HTR2C: variants seen among roughly 807,000 people sequenced by gnomAD.
HTR2C encodes 5-hydroxytryptamine (serotonin) receptor 2C, G protein-coupled.
A neutral mutation model predicts 21.0 loss-of-function variants in HTR2C; 5 were observed. The ratio of observed to expected loss-of-function variants is 0.24; its 90% CI spans 0.12 to 0.50. The LOEUF is 0.50. HTR2C is among the 20% of genes least tolerant of loss of function. The pLI is 0.98. For missense variants in HTR2C, 271 were observed against 371.2 expected, an observed-to-expected ratio of 0.73 and a Z score of 2.22; for synonymous variants, 150 against 145.3, an observed-to-expected ratio of 1.03 and a Z score of -0.23.
chrX:114,681,122 C>T (rs1214625230), intron 2 of HTR2C, among the ~76,000 whole-genome samples: 3 of 111,338 alleles, frequency 2.7e-5, no homozygotes, highest in Non-Finnish European at 5.7e-5. Context: ...ATGCTTCATC[C>T]GGAATCTTAT....
intron 1 of HTR2C, among the ~76,000 whole-genome samples, chrX:114,600,334 G>T (rs1928033035): frequency 8.9e-6 from 1 of 112,011 alleles, no homozygotes; most frequent in South Asian, 3.7e-4. Flanking sequence ...CATGCTCTCA[G>T]TATAACATTT....
At position 114,876,338 on chromosome X, in the gene HTR2C, T is replaced by A. The variant is rs192078328; in HGVS notation, c.550+28135T>A. ...AGGGTTTTACTTATATAAAATCATG[T>A]CATCTGCAAACAAAAACAATTTTAC... On this transcript the variant is annotated intron_variant, in intron 5 of 5. Coordinates refer to ENST00000276198, the MANE Select transcript of HTR2C (RefSeq NM_000868.4). 3.8e-3 allele frequency among the ~76,000 whole-genome samples: 416 copies of A among 109,659 alleles called. 1 individual carries two copies. The highest frequency in any genetic ancestry group is 0.013 in the African/African-American group (380 of 30,376).
chrX:114,730,264 C>T (rs1163966728), intron 3 of HTR2C, among the ~76,000 whole-genome samples: 4 of 112,003 alleles, frequency 3.6e-5, no homozygotes, highest in African/African-American at 1.3e-4. Flanking sequence ...CCACATCCAT[C>T]TCTGGCAATA....
intron 4 of HTR2C, among the ~76,000 whole-genome samples, chrX:114,767,550 AG>A (rs1316158220): frequency 9.1e-6 from 1 of 109,624 alleles, no homozygotes; most frequent in Non-Finnish European, 1.9e-5. Context: ...ATTGATAGGG[AG>A]GAAAAAGTTT....
rs1485965623 is a variant in HTR2C at position 114,907,526 on chromosome X, T to C, written c.*111T>C. 5.4e-6 allele frequency: 3 copies of C among 555,420 alleles called. No individual in the cohort carries two copies. The highest frequency in any genetic ancestry group is 2.3e-5 in the African/African-American group (1 of 43,102). 45.8% of individuals were successfully genotyped at this position (555,420 alleles called of 1,213,427 possible). On this transcript the variant is annotated 3_prime_UTR_variant, in exon 6 of 6. Transcript: ENST00000276198. ...ATGTAAATATTGCTGTCTGAAAAAGTGTTTTTACATATAGCTTTGCAACCT... is the reference window on the plus strand; with the variant it reads ...ATGTAAATATTGCTGTCTGAAAAAGCGTTTTTACATATAGCTTTGCAACCT...
chrX:114,733,891 G>A (rs1258175327), intron 4 of HTR2C, among the ~76,000 whole-genome samples: 1 of 111,014 alleles, frequency 9.0e-6, no homozygotes, highest in Non-Finnish European at 1.9e-5. Context: ...ATCAGAATAT[G>A]AGAATAGAAA....
intron 2 of HTR2C, among the ~76,000 whole-genome samples, chrX:114,618,961 T>C (rs905851135): frequency 1.8e-5 from 2 of 111,511 alleles, no homozygotes; most frequent in Admixed American, 9.6e-5. Flanking sequence ...TATTAAAATA[T>C]GAAAACCAAA....
At chrX:114,693,307 T>C (rs1932164890) in intron 2 of HTR2C, among the ~76,000 whole-genome samples, 1 of 111,193 alleles carries the variant, frequency 9.0e-6, no homozygotes, top group Non-Finnish European at 1.9e-5. Context: ...TATTACTCCA[T>C]ATCAAGGATT....
chrX:114,802,375 T>G (rs1297206717), intron 4 of HTR2C, among the ~76,000 whole-genome samples: 2 of 111,670 alleles, frequency 1.8e-5, no homozygotes, highest in Non-Finnish European at 3.8e-5. Context: ...AAATCATAGA[T>G]GAGAGCAGGA....
At chrX:114,872,103 T>C (rs782129176) in intron 5 of HTR2C, among the ~76,000 whole-genome samples, 1 of 110,668 alleles carries the variant, frequency 9.0e-6, no homozygotes, top group Admixed American at 9.7e-5. Flanking sequence ...GTACAGATTA[T>C]TTCATTACCC....
At chrX:114,766,394 A>C (rs73569263) in intron 4 of HTR2C, among the ~76,000 whole-genome samples, 2,116 of 111,206 alleles carry the variant, frequency 0.019, 53 homozygotes, top group African/African-American at 0.065. Flanking sequence ...TAGATGAAAA[A>C]CCTAGTCATT....
At chrX:114,877,901 A>C (rs1399244519) in intron 5 of HTR2C, among the ~76,000 whole-genome samples, 1 of 110,694 alleles carries the variant, frequency 9.0e-6, no homozygotes, top group Non-Finnish European at 1.9e-5. Context: ...ATAATGTTCC[A>C]TGTGCACTTG....
At chrX:114,840,385 T>A (rs1206212826) in intron 4 of HTR2C, among the ~76,000 whole-genome samples, 1 of 111,454 alleles carries the variant, frequency 9.0e-6, no homozygotes, top group Non-Finnish European at 1.9e-5. Flanking sequence ...AATATAAAAT[T>A]ATCCTGGATG....
intron 4 of HTR2C, among the ~76,000 whole-genome samples, chrX:114,834,382 C>T (rs1412869127): frequency 1.9e-5 from 2 of 105,015 alleles, no homozygotes; most frequent in Non-Finnish European, 3.9e-5. Flanking sequence ...AATCTGGGTG[C>T]TCCTGTATTG....
At chrX:114,596,217 G>A (rs1260265402) in intron 1 of HTR2C, among the ~76,000 whole-genome samples, 2 of 112,043 alleles carry the variant, frequency 1.8e-5, no homozygotes, top group Admixed American at 9.5e-5. Context: ...AGGTAGCAAT[G>A]TTTGCTTTAA....
At chrX:114,851,484 T>C (rs1179410127) in intron 5 of HTR2C, among the ~76,000 whole-genome samples, 1 of 111,957 alleles carries the variant, frequency 8.9e-6, no homozygotes, top group South Asian at 3.7e-4. Context: ...AGCTATCTAT[T>C]ACTAAGGTGA....
chrX:114,815,066 TTTC>T (rs2070572283), intron 4 of HTR2C, among the ~76,000 whole-genome samples: 2 of 106,835 alleles, frequency 1.9e-5, no homozygotes, highest in Admixed American at 2.1e-4. Context: ...TTTATAAGCA[TTTC>T]TTTTCCCTGC....
At chrX:114,844,442 C>A (rs1387496165) in intron 4 of HTR2C, among the ~76,000 whole-genome samples, 1 of 111,605 alleles carries the variant, frequency 9.0e-6, no homozygotes, top group Non-Finnish European at 1.9e-5. Context: ...CACTTAATCA[C>A]AAGTGAAGGC....
chrX:114,644,358 AATAAATATATATATATATATATATAT>A (rs1337063358), intron 2 of HTR2C, among the ~76,000 whole-genome samples: 8 of 16,523 alleles, frequency 4.8e-4, no homozygotes, highest in African/African-American at 1.4e-3. Flanking sequence ...TAAATAAATA[AATAAATATATATATATATATATATAT>A]ATATATATAT....
Sources: allele counts gnomAD v4.1 joint callset (sites outside exome capture counted in the v4.1 genomes callset), GRCh38; gene constraint gnomAD v4.1.1; transcripts MANE v1.5; gene names NCBI Gene and HGNC (gene_info 2026-07-23, HGNC 2026-07-21).